The following GRAP2 variants were observed in gnomAD, a reference collection of about 807,000 sequenced individuals.
The protein encoded by GRAP2 is GRB2 related adaptor protein 2.
GRAP2 carries 31 observed loss-of-function variants against 43.5 expected under a neutral mutation model. The ratio of observed to expected loss-of-function variants is 0.71; its 90% CI spans 0.54 to 0.96. The LOEUF (loss-of-function observed/expected upper bound fraction) is 0.96. Ranked by LOEUF, GRAP2 falls within the 40% of genes least tolerant of loss-of-function variation. The probability of loss-of-function intolerance (pLI) is 0.00; values close to 1 mark genes in which losing one functional copy is unlikely to be tolerated. For synonymous variants in GRAP2, 156 were observed against 164.8 expected, an observed-to-expected ratio of 0.95 and a Z score of 0.41; for missense variants, 371 against 424.4, an observed-to-expected ratio of 0.87 and a Z score of 1.11.
chr22:39,948,229 C>G (rs752311840), intron 2 of GRAP2: 3 of 152,166 alleles, frequency 2.0e-5, no homozygotes, highest in African/African-American at 7.2e-5. Context: ...TCTAACTGCT[C>G]TCAACTTTCA....
chr22:39,956,208 AG>A (rs2067048654), intron 3 of GRAP2, among the ~76,000 whole-genome samples: 1 of 143,808 alleles, frequency 7.0e-6, no homozygotes, highest in Non-Finnish European at 1.5e-5. Flanking sequence ...CCCAGGCTGG[AG>A]TGCGGTGACT....
Position 39,968,170 on chromosome 22 carries a change from G to GCAGCAC in GRAP2, c.599_604dup (p.His200_Gln201dup). On this transcript the variant is annotated inframe_insertion, in exon 6 of 8. Transcript: ENST00000344138. ...ATCACCCCCCGACCCTTCCCCTGCAGCAGCACCAGCACCAGCCACAGCCTC... is the reference window on the plus strand; with the variant it reads ...ATCACCCCCCGACCCTTCCCCTGCAGCAGCACCAGCACCAGCACCAGCCACAGCCTC... 5.6e-6 allele frequency: 9 copies of GCAGCAC among 1,609,594 alleles called. No individual in the cohort carries two copies. Among genetic ancestry groups the GCAGCAC allele is most frequent in the Non-Finnish European group, 7.6e-6 (9 of 1,177,946 alleles).
chr22:39,967,994 C>A (rs767038498), intron 5 of GRAP2, 48 bp from the exon 6 acceptor site: 2 of 1,581,810 alleles, frequency 1.3e-6, no homozygotes, highest in East Asian at 2.3e-5. Flanking sequence ...TAGGGCCAGA[C>A]GATCAGAGAG....
chr22:39,912,846 CTAGGACCAA>C (rs1307875818), intron 1 of GRAP2, among the ~76,000 whole-genome samples: 2 of 151,890 alleles, frequency 1.3e-5, no homozygotes, highest in Non-Finnish European at 2.9e-5. Context: ...AAGGAGACAT[CTAGGACCAA>C]TGCTAACTGG....
rs533696209 is a variant in GRAP2, at chr22:39,952,063, G to A, written c.79-3756G>A. ...TCTTTTTGAGACAGAGTCTTGCTCTGTTGCCCAGGCTGGAGTGCAATGGCG... is the reference window on the plus strand; with the variant it reads ...TCTTTTTGAGACAGAGTCTTGCTCTATTGCCCAGGCTGGAGTGCAATGGCG... On this transcript the variant is annotated intron_variant, in intron 2 of 7. Transcript: ENST00000344138. 1.5e-3 allele frequency among the ~76,000 whole-genome samples: 217 copies of A among 142,740 alleles called. 2 individuals are homozygous for A. Among genetic ancestry groups the A allele is most frequent in the Non-Finnish European group, 2.6e-3 (173 of 66,294 alleles). 93.6% of individuals were successfully genotyped at this position (142,740 alleles called of 152,430 possible).
intron 1 of GRAP2, among the ~76,000 whole-genome samples, chr22:39,933,991 G>C (rs2066782206): frequency 6.6e-6 from 1 of 152,170 alleles, no homozygotes; most frequent in Admixed American, 6.5e-5. Flanking sequence ...AAAGTCTATG[G>C]CTTGCAAAAG....
chr22:39,926,580 T>G (rs1293733558), intron 1 of GRAP2: 1 of 984,176 alleles, frequency 1.0e-6, no homozygotes, highest in East Asian at 1.1e-4. Context: ...ATGCTCTAGC[T>G]GGGGGTGGGG....
At chr22:39,911,339 G>A (rs1010810460) in intron 1 of GRAP2, among the ~76,000 whole-genome samples, 1 of 151,972 alleles carries the variant, frequency 6.6e-6, no homozygotes, top group Non-Finnish European at 1.5e-5. Context: ...GTGCCATAAA[G>A]CATATCTGCA....
intron 1 of GRAP2, among the ~76,000 whole-genome samples, chr22:39,914,705 T>C (rs933012157): frequency 7.2e-5 from 11 of 152,164 alleles, no homozygotes; most frequent in African/African-American, 2.7e-4. Context: ...GTGTCCTGGT[T>C]GTTTTTGCTT....
At chr22:39,902,697 A>G (rs1897538376) in intron 1 of GRAP2, among the ~76,000 whole-genome samples, 1 of 152,228 alleles carries the variant, frequency 6.6e-6, no homozygotes, top group African/African-American at 2.4e-5. Context: ...AATCTATTCA[A>G]TATGAAGAAA....
chr22:39,966,308 A>G lies in GRAP2; in HGVS notation c.459+150A>G, dbSNP rs1447191442. On this transcript the variant is annotated intron_variant, in intron 5 of 7. Transcript: ENST00000344138. ...AGCTCTGAGGTCAGATCTCAACTTA[A>G]CACTTCCTAGTCGTGTGACTTTGGA... 4.7e-6 allele frequency: 3 copies of G among 637,204 alleles called. No individual in the cohort carries two copies. In the Admixed American group the frequency reaches 8.7e-5, roughly 19 times the overall value. The allele number at this position is 637,204 out of a possible 1,614,324, so 39.5% of individuals were successfully genotyped here.
chr22:39,968,017 G>T, intron 5 of GRAP2, 25 bp from the exon 6 acceptor site: 1 of 1,603,680 alleles, frequency 6.2e-7, no homozygotes, highest in East Asian at 2.2e-5. Flanking sequence ...GGATGCATCT[G>T]CAGCATCTCT....
chr22:39,945,550 G>A (rs1221651398), intron 1 of GRAP2, among the ~76,000 whole-genome samples: 1 of 152,122 alleles, frequency 6.6e-6, no homozygotes, highest in African/African-American at 2.4e-5. Flanking sequence ...CTATTAGGTT[G>A]GAGAGTATTT....
At chr22:39,906,996 T>TA (rs1304964805) in intron 1 of GRAP2, among the ~76,000 whole-genome samples, 3 of 152,324 alleles carry the variant, frequency 2.0e-5, no homozygotes, top group Admixed American at 2.0e-4. Context: ...TAACCCTTTA[T>TA]AAAACAAAAT....
At chr22:39,907,859 C>G (rs2145570787) in intron 1 of GRAP2, among the ~76,000 whole-genome samples, 1 of 152,314 alleles carries the variant, frequency 6.6e-6, no homozygotes, top group Admixed American at 6.5e-5. Flanking sequence ...AAAAGCAAGG[C>G]TTGGAGAGTT....
intron 5 of GRAP2, among the ~76,000 whole-genome samples, chr22:39,967,316 A>C (rs1169054333): frequency 6.6e-6 from 1 of 152,224 alleles, no homozygotes; most frequent in Non-Finnish European, 1.5e-5. Context: ...CTAACCAGGA[A>C]ACGGACAGAG....
chr22:39,964,345 G>A, intron 4 of GRAP2: 1 of 706,848 alleles, frequency 1.4e-6, no homozygotes, highest in Admixed American at 2.0e-5. Context: ...TCGTCCAGTG[G>A]CAGGGTCTGG....
intron 2 of GRAP2, among the ~76,000 whole-genome samples, chr22:39,955,378 A>G (rs75155677): frequency 1.3e-5 from 2 of 151,010 alleles, no homozygotes; most frequent in African/African-American, 2.4e-5. Flanking sequence ...AAACAACAAC[A>G]AAAAAAAGAG....
intron 4 of GRAP2, among the ~76,000 whole-genome samples, chr22:39,962,499 C>T (rs1020572423): frequency 3.3e-5 from 5 of 152,022 alleles, no homozygotes; most frequent in South Asian, 2.1e-4. Flanking sequence ...ATTTAACATG[C>T]GTGTATATAT....
Sources: gnomAD v4.1 joint callset for allele counts (sites outside exome capture counted in the v4.1 genomes callset) on GRCh38, gnomAD v4.1.1 for gene constraint, MANE v1.5 for transcripts, NCBI Gene and HGNC (gene_info 2026-07-23, HGNC 2026-07-21) for gene names.